KALRN: variants seen among roughly 807,000 people sequenced by gnomAD.
The protein encoded by KALRN is kalirin.
KALRN carries 70 observed loss-of-function variants against 353.7 expected under a neutral mutation model. The observed-to-expected ratio is 0.20, with a 90% CI of 0.16 to 0.24. The LOEUF (loss-of-function observed/expected upper bound fraction) is 0.24, where lower values mean the gene tolerates loss of function less well. Among genes scored for constraint, KALRN ranks in the 10% least tolerant of loss-of-function variants. KALRN has a pLI of 1.00. For synonymous variants in KALRN, 1,391 were observed against 1,434.8 expected, an observed-to-expected ratio of 0.97 and a Z score of 0.69; for missense variants, 2,791 against 3,756.7, an observed-to-expected ratio of 0.74 and a Z score of 6.72.
intron 34 of KALRN, among the ~76,000 whole-genome samples, chr3:124,587,134 GCAGGGGACTGACTGCCT>G: frequency 6.6e-6 from 1 of 152,322 alleles, no homozygotes; most frequent in Admixed American, 6.5e-5. Context: ...GGTGTGCACT[GCAGGGGACTGACTGCCT>G]CCCTTTTCAG....
At chr3:124,436,992 C>A (rs1201585471) in intron 17 of KALRN, among the ~76,000 whole-genome samples, 1 of 146,880 alleles carries the variant, frequency 6.8e-6, no homozygotes, top group Admixed American at 6.7e-5. Flanking sequence ...AGTTTGGTGA[C>A]AGATCTTCTC....
intron 1 of KALRN, among the ~76,000 whole-genome samples, chr3:124,055,779 C>T (rs1193222002): frequency 1.3e-5 from 2 of 152,262 alleles, no homozygotes; most frequent in African/African-American, 4.8e-5. Context: ...CTATAAAATC[C>T]CATCCAAAAT....
Position 124,578,546 on chromosome 3 carries a change from G to A in KALRN, c.5182+15457G>A, listed in dbSNP as rs568319431. On this transcript the variant is annotated intron_variant, in intron 34 of 59. Coordinates refer to ENST00000682506, the MANE Select transcript of KALRN (RefSeq NM_001388419.1). ...ACTCATCCACAGTGTGAGTGGCCTT[G>A]GGCCCTAAAGTCCGTGGTTCTCAGC... Among the ~76,000 whole-genome samples the A allele has an allele frequency of 5.3e-5, 8 of 152,334 alleles. No homozygotes were observed. In the South Asian group the frequency reaches 1.7e-3, roughly 32 times the overall value.
chr3:124,100,636 A>G (rs1265428317), intron 1 of KALRN: 1 of 152,244 alleles, frequency 6.6e-6, no homozygotes, highest in Non-Finnish European at 1.5e-5. Flanking sequence ...TCAAAAGCAC[A>G]AACAACAAAA....
At chr3:124,588,793 G>A (rs2149338289) in intron 34 of KALRN, among the ~76,000 whole-genome samples, 1 of 152,250 alleles carries the variant, frequency 6.6e-6, no homozygotes, top group Admixed American at 6.5e-5. Context: ...CCTTTTGAAA[G>A]CTTTTCCTGA....
intron 8 of KALRN, among the ~76,000 whole-genome samples, chr3:124,333,007 G>T (rs973356713): frequency 3.3e-5 from 5 of 152,150 alleles, no homozygotes; most frequent in African/African-American, 1.2e-4. Context: ...AGTTTCACAT[G>T]GCCATGGAGG....
intron 1 of KALRN, among the ~76,000 whole-genome samples, chr3:124,186,033 A>G (rs1339684236): frequency 6.6e-6 from 1 of 152,140 alleles, no homozygotes; most frequent in Admixed American, 6.5e-5. Context: ...TCACACTTTC[A>G]TGGTGAGCTG....
At chr3:124,688,513 A>C (rs1445782967) in intron 51 of KALRN, among the ~76,000 whole-genome samples, 1 of 152,184 alleles carries the variant, frequency 6.6e-6, no homozygotes, top group East Asian at 1.9e-4. Context: ...CCTACTCTGA[A>C]TACAGGTTCA....
intron 25 of KALRN, among the ~76,000 whole-genome samples, chr3:124,465,963 T>C (rs2060293107): frequency 6.6e-6 from 1 of 152,112 alleles, no homozygotes; most frequent in African/African-American, 2.4e-5. Context: ...ATATCTTAAC[T>C]AGATAGTATT....
At chr3:124,581,531 G>A (rs184555089) in intron 34 of KALRN, among the ~76,000 whole-genome samples, 3 of 152,312 alleles carry the variant, frequency 2.0e-5, no homozygotes, top group Non-Finnish European at 2.9e-5. Context: ...GCCAGTTTCA[G>A]CAGGATGAGA....
At chr3:124,617,454 CA>C (rs1415503990) in intron 34 of KALRN, among the ~76,000 whole-genome samples, 15 of 152,246 alleles carry the variant, frequency 9.9e-5, no homozygotes, top group South Asian at 2.1e-4. Context: ...ACAAATAGCA[CA>C]AAAAGGTATT....
chr3:124,618,523 G>C (rs2078911736), intron 34 of KALRN, among the ~76,000 whole-genome samples: 1 of 152,196 alleles, frequency 6.6e-6, no homozygotes, highest in East Asian at 1.9e-4. Context: ...CATTTGTATA[G>C]TGCTATTTTG....
At chr3:124,181,381 C>G (rs191007165) in intron 1 of KALRN, among the ~76,000 whole-genome samples, 103 of 152,124 alleles carry the variant, frequency 6.8e-4, no homozygotes, top group Admixed American at 4.0e-3. Flanking sequence ...ATAGCAAAAA[C>G]CACACCAAGC....
intron 10 of KALRN, among the ~76,000 whole-genome samples, chr3:124,368,094 AC>A (rs1406541923): frequency 2.9e-5 from 1 of 33,904 alleles, no homozygotes; most frequent in African/African-American, 1.3e-4. Flanking sequence ...CGGGGGGCTG[AC>A]CCCCCCACCT....
Position 124,674,635 on chromosome 3 carries a change from C to T in KALRN, c.7193+21C>T, listed in dbSNP as rs779491540. The T allele has an allele frequency of 5.8e-6, 9 of 1,554,578 alleles. No individual in the cohort carries two copies. In the African/African-American group the frequency reaches 1.2e-4, roughly 21 times the overall value. ...ATCAAGTAAGTGCCTCGTTGGCTTC[C>T]CCGGGAGAGGAGTATGAGGATTAAA... On this transcript the variant is annotated intron_variant, in intron 49 of 59. Transcript: ENST00000682506.
chr3:124,427,028 G>A (rs1437898128), intron 15 of KALRN, among the ~76,000 whole-genome samples: 1 of 152,160 alleles, frequency 6.6e-6, no homozygotes, highest in African/African-American at 2.4e-5. Context: ...TGCACCAAAT[G>A]CTGGCCAAAA....
intron 8 of KALRN, among the ~76,000 whole-genome samples, chr3:124,333,893 A>AAAAC (rs570730810): frequency 3.7e-4 from 57 of 152,334 alleles, no homozygotes; most frequent in Middle Eastern, 3.4e-3. Context: ...CTTTGTCTCA[A>AAAAC]AAACAAACAA....
At chr3:124,692,780 G>A (rs550655240) in intron 51 of KALRN, among the ~76,000 whole-genome samples, 12 of 152,268 alleles carry the variant, frequency 7.9e-5, no homozygotes, top group Admixed American at 3.3e-4. Context: ...ATATTATAGT[G>A]GAACATCAGT....
chr3:124,144,204 A>G (rs996909772), intron 1 of KALRN, among the ~76,000 whole-genome samples: 1 of 152,124 alleles, frequency 6.6e-6, no homozygotes, highest in Non-Finnish European at 1.5e-5. Context: ...AGATCCTGGA[A>G]CTAGAGGTTG....
Sources: gnomAD v4.1 joint callset for allele counts (sites outside exome capture counted in the v4.1 genomes callset) on GRCh38, gnomAD v4.1.1 for gene constraint, MANE v1.5 for transcripts, NCBI Gene and HGNC (gene_info 2026-07-23, HGNC 2026-07-21) for gene names.